TOM1: variants seen among roughly 807,000 people sequenced by gnomAD.
The protein encoded by TOM1 is target of Myb protein 1.
Under a neutral mutation model 61.3 loss-of-function variants are expected in TOM1, and 38 were observed. That is an observed-to-expected ratio of 0.62 (90% CI 0.48 to 0.81). The LOEUF is 0.81. Among genes scored for constraint, TOM1 ranks in the 40% least tolerant of loss-of-function variants. The probability of loss-of-function intolerance (pLI) is 0.00; values close to 1 mark genes in which losing one functional copy is unlikely to be tolerated. For missense variants in TOM1, 591 were observed against 659.6 expected (o/e 0.90, Z 1.14); for synonymous variants, 270 against 268.8 (o/e 1.00, Z -0.04).
At chr22:35,338,852 CA>C in intron 12 of TOM1, 64 bp downstream of exon 12, 1 of 1,421,644 alleles carries the variant, frequency 7.0e-7, no homozygotes, top group South Asian at 1.3e-5. Flanking sequence ...AATGCTCACC[CA>C]CTGGGTGCCG....
At chr22:35,325,606 T>G (rs1261719650) in intron 6 of TOM1, among the ~76,000 whole-genome samples, 1 of 152,224 alleles carries the variant, frequency 6.6e-6, no homozygotes. Context: ...AGCATGTTTA[T>G]GTAAAATTAA....
At chr22:35,343,613 ACAC>A (rs1412254730) in intron 12 of TOM1, among the ~76,000 whole-genome samples, 61 of 133,956 alleles carry the variant, frequency 4.6e-4, no homozygotes, top group African/African-American at 1.6e-3. Context: ...CACACCACAC[ACAC>A]ATCTACACCC....
At chr22:35,305,691 A>G (rs1161019285) in intron 1 of TOM1, among the ~76,000 whole-genome samples, 1 of 148,466 alleles carries the variant, frequency 6.7e-6, no homozygotes, top group East Asian at 2.0e-4. Flanking sequence ...GGTGCTGGGG[A>G]GGACTGATAG....
At chr22:35,340,067 C>T (rs1236842062) in intron 12 of TOM1, among the ~76,000 whole-genome samples, 1 of 152,252 alleles carries the variant, frequency 6.6e-6, no homozygotes, top group Non-Finnish European at 1.5e-5. Flanking sequence ...CCTCCAAGCA[C>T]CATTCTCTCA....
At chr22:35,324,307 A>G (rs958437944) in intron 6 of TOM1, among the ~76,000 whole-genome samples, 1 of 149,228 alleles carries the variant, frequency 6.7e-6, no homozygotes, top group Non-Finnish European at 1.5e-5. Flanking sequence ...TGAGCTGGGC[A>G]TGGTCACGTG....
intron 1 of TOM1, among the ~76,000 whole-genome samples, chr22:35,302,360 C>T (rs1332938499): frequency 1.0e-5 from 1 of 95,410 alleles, no homozygotes; most frequent in East Asian, 3.2e-4. Flanking sequence ...TTTGAGACTG[C>T]GTTTCGCTCT....
intron 1 of TOM1, among the ~76,000 whole-genome samples, chr22:35,311,418 CT>C (rs2145623010): frequency 6.6e-6 from 1 of 152,360 alleles, no homozygotes; most frequent in South Asian, 2.1e-4. Context: ...GGTTTGACAG[CT>C]CCACGATGTC....
intron 1 of TOM1, among the ~76,000 whole-genome samples, chr22:35,317,490 A>G (rs1207033233): frequency 1.3e-5 from 2 of 152,180 alleles, no homozygotes; most frequent in Non-Finnish European, 2.9e-5. Context: ...GCCCAGCTCA[A>G]AAGATAATTC....
At chr22:35,330,278 C>T in intron 7 of TOM1, 69 bp from the exon 8 acceptor site, 1 of 1,142,466 alleles carries the variant, frequency 8.8e-7, no homozygotes, top group Non-Finnish European at 1.2e-6. Flanking sequence ...CTCCGTCTCA[C>T]AAAAAAAAAA....
intron 13 of TOM1, among the ~76,000 whole-genome samples, chr22:35,346,178 G>A (rs1034833972): frequency 3.3e-5 from 5 of 152,234 alleles, no homozygotes; most frequent in African/African-American, 4.8e-5. Flanking sequence ...TCAGAAGACC[G>A]ATAAGCAGCT....
chr22:35,345,930 C>T (rs1930473864), intron 13 of TOM1, 146 bp downstream of exon 13: 2 of 848,556 alleles, frequency 2.4e-6, no homozygotes, highest in African/African-American at 1.7e-5. Context: ...CTCCTGCCAC[C>T]TGCCCACCTT....
chr22:35,315,528 A>C (rs753834065), intron 1 of TOM1, among the ~76,000 whole-genome samples: 1 of 152,218 alleles, frequency 6.6e-6, no homozygotes, highest in Non-Finnish European at 1.5e-5. Context: ...AGCCACACTC[A>C]GTAAACCTTC....
intron 6 of TOM1, 99 bp from the exon 7 acceptor site, chr22:35,327,172 G>A (rs906139398): frequency 2.5e-6 from 3 of 1,182,692 alleles, no homozygotes; most frequent in Non-Finnish European, 3.8e-6. Context: ...CGGCTCCCTG[G>A]TGCTGCACCC....
intron 6 of TOM1, among the ~76,000 whole-genome samples, chr22:35,326,810 G>A (rs1322350571): frequency 6.7e-6 from 1 of 150,154 alleles, no homozygotes; most frequent in Non-Finnish European, 1.5e-5. Context: ...CCTCTAGGAG[G>A]AGAGAGAGGG....
intron 11 of TOM1, among the ~76,000 whole-genome samples, chr22:35,337,717 C>T (rs1433552284): frequency 6.6e-6 from 1 of 152,234 alleles, no homozygotes; most frequent in Non-Finnish European, 1.5e-5. Context: ...AGACCAGCCC[C>T]GCTTCACTAG....
chr22:35,301,519 C>T (rs1925785309), intron 1 of TOM1, among the ~76,000 whole-genome samples: 2 of 152,212 alleles, frequency 1.3e-5, no homozygotes, highest in South Asian at 2.1e-4. Context: ...AAGAAACCAT[C>T]GCATTACCGT....
intron 3 of TOM1, among the ~76,000 whole-genome samples, chr22:35,322,792 A>G (rs969459152): frequency 1.3e-5 from 2 of 152,184 alleles, no homozygotes; most frequent in African/African-American, 4.8e-5. Context: ...CAGTCAGGGA[A>G]GGAAGTCCAG....
intron 1 of TOM1, among the ~76,000 whole-genome samples, 165 bp downstream of exon 1, chr22:35,300,145 C>T (rs929423328): frequency 6.6e-6 from 1 of 152,242 alleles, no homozygotes; most frequent in Admixed American, 6.5e-5. Context: ...TCTTGATTGA[C>T]AAGAACTTGG....
intron 10 of TOM1, among the ~76,000 whole-genome samples, chr22:35,333,774 T>C (rs1929042933): frequency 6.6e-6 from 1 of 152,298 alleles, no homozygotes; most frequent in East Asian, 1.9e-4. Flanking sequence ...ATCATCTGCG[T>C]GAGCTTGGGC....
Sources: allele counts gnomAD v4.1 joint callset (sites outside exome capture counted in the v4.1 genomes callset), GRCh38; gene constraint gnomAD v4.1.1; transcripts MANE v1.5; gene names NCBI Gene and HGNC (gene_info 2026-07-23, HGNC 2026-07-21).